The following RIMBP2 variants were observed in gnomAD, a reference collection of about 807,000 sequenced individuals.
The protein encoded by RIMBP2 is RIMS-binding protein 2.
RIMBP2 carries 48 observed loss-of-function variants against 118.6 expected under a neutral mutation model. That is an observed-to-expected ratio of 0.40 (90% CI 0.32 to 0.51). RIMBP2 has a LOEUF of 0.51. Ranked by LOEUF, RIMBP2 falls within the 20% of genes least tolerant of loss-of-function variation. The pLI is 0.41. For synonymous variants in RIMBP2, 762 were observed against 742.9 expected, an observed-to-expected ratio of 1.03 and a Z score of -0.42; for missense variants, 1,551 against 1,768.3, an observed-to-expected ratio of 0.88 and a Z score of 2.20.
rs1451512772 is a variant in RIMBP2 at position 130,576,520 on chromosome 12, C to T, written c.-217+51802G>A. Among the ~76,000 whole-genome samples the T allele has an allele frequency of 6.6e-6, 1 of 152,182 alleles. No individual in the cohort carries two copies. Among genetic ancestry groups the T allele is most frequent in the Non-Finnish European group, 1.5e-5 (1 of 68,034 alleles). On this transcript the variant is annotated intron_variant, in intron 2 of 22. Transcript: ENST00000690449. The surrounding 1 kb of genome is among the most constrained non-coding windows in gnomAD (Gnocchi z 4.2). Reference sequence around the variant, plus strand: ...GAAGCAGATGGCCCCTGCATGTGCACTTGCTCATACCCAGAACCAAAGCAA... The same window carrying T: ...GAAGCAGATGGCCCCTGCATGTGCATTTGCTCATACCCAGAACCAAAGCAA...
intron 2 of RIMBP2, among the ~76,000 whole-genome samples, chr12:130,573,529 T>C (rs2057856460): frequency 6.6e-6 from 1 of 152,106 alleles, no homozygotes; most frequent in South Asian, 2.1e-4. Context: ...GTGAGCTGCA[T>C]AAATGTATTA....
intron 2 of RIMBP2, among the ~76,000 whole-genome samples, chr12:130,527,610 T>C (rs1422375002): frequency 6.6e-6 from 1 of 152,172 alleles, no homozygotes; most frequent in African/African-American, 2.4e-5. Flanking sequence ...AAGGCTTCTC[T>C]CAGCTTCTGC....
chr12:130,709,397 G>A (rs576915854), intron 1 of RIMBP2, among the ~76,000 whole-genome samples: 6 of 152,360 alleles, frequency 3.9e-5, no homozygotes, highest in Admixed American at 3.9e-4. Context: ...AGCTGGGGCT[G>A]GGGCAGGTCT....
chr12:130,574,960 C>T (rs1272443006), intron 2 of RIMBP2, among the ~76,000 whole-genome samples: 2 of 139,142 alleles, frequency 1.4e-5, no homozygotes, highest in African/African-American at 2.8e-5. Context: ...CAGAATCACA[C>T]CCCCCACCGC....
chr12:130,519,631 G>T (rs1438669388), intron 2 of RIMBP2, among the ~76,000 whole-genome samples: 2 of 152,212 alleles, frequency 1.3e-5, no homozygotes, highest in African/African-American at 4.8e-5. Flanking sequence ...AAGGGGATGG[G>T]ATGGGTGTAC....
chr12:130,645,976 A>G (rs1346407036), intron 1 of RIMBP2, among the ~76,000 whole-genome samples: 1 of 152,108 alleles, frequency 6.6e-6, no homozygotes, highest in Non-Finnish European at 1.5e-5. Context: ...AAGGAAAGAA[A>G]AAACCCAGGG....
chr12:130,474,509 T>G (rs977273817), intron 5 of RIMBP2, among the ~76,000 whole-genome samples: 1 of 152,046 alleles, frequency 6.6e-6, no homozygotes. Flanking sequence ...CAGGTGGAGG[T>G]GGGCAGTCGG....
At chr12:130,625,423 C>T (rs2061563082) in intron 2 of RIMBP2, among the ~76,000 whole-genome samples, 1 of 152,216 alleles carries the variant, frequency 6.6e-6, no homozygotes, top group Non-Finnish European at 1.5e-5. Flanking sequence ...TTAGCAGCCA[C>T]TGAGGTGTGC....
At chr12:130,570,343 T>C (rs908897910) in intron 2 of RIMBP2, among the ~76,000 whole-genome samples, 1 of 151,986 alleles carries the variant, frequency 6.6e-6, no homozygotes, top group African/African-American at 2.4e-5. Context: ...GGAGGATAGA[T>C]TGAGCCCAGG....
intron 1 of RIMBP2, among the ~76,000 whole-genome samples, chr12:130,680,334 C>T (rs921980903): frequency 6.6e-6 from 1 of 152,178 alleles, no homozygotes; most frequent in Non-Finnish European, 1.5e-5. Context: ...TGAGAAAGCT[C>T]CTGTGTGCCA....
intron 1 of RIMBP2, among the ~76,000 whole-genome samples, chr12:130,693,845 G>A (rs538480950): frequency 3.6e-4 from 55 of 152,196 alleles, no homozygotes; most frequent in South Asian, 2.1e-3. Context: ...GTCCATTACC[G>A]CTCCCTTGCT....
chr12:130,489,880 C>T (rs2048459970), intron 4 of RIMBP2, among the ~76,000 whole-genome samples: 1 of 152,142 alleles, frequency 6.6e-6, no homozygotes, highest in African/African-American at 2.4e-5. Context: ...GAATTAAGCA[C>T]TTTGGGAGGC....
At chr12:130,449,247 T>C (rs1048788854) in intron 9 of RIMBP2, among the ~76,000 whole-genome samples, 1 of 152,242 alleles carries the variant, frequency 6.6e-6, no homozygotes. Flanking sequence ...CCCTGGCTGA[T>C]GAATTCCCAA....
At chr12:130,490,039 G>A (rs1192092548) in intron 4 of RIMBP2, among the ~76,000 whole-genome samples, 6 of 148,518 alleles carry the variant, frequency 4.0e-5, no homozygotes, top group East Asian at 4.0e-4. Flanking sequence ...CAAGAGAATC[G>A]CTTGAACCCG....
intron 1 of RIMBP2, among the ~76,000 whole-genome samples, chr12:130,643,864 C>A (rs1369424799): frequency 6.6e-6 from 1 of 152,102 alleles, no homozygotes; most frequent in Non-Finnish European, 1.5e-5. Context: ...AACTGGAGAG[C>A]AAGCAGTGGG....
intron 22 of RIMBP2, chr12:130,399,236 A>C (rs1426387068): frequency 1.2e-6 from 1 of 823,796 alleles, no homozygotes; most frequent in Non-Finnish European, 1.6e-6. Context: ...TGCAGTGATG[A>C]AATAAAATAA....
intron 2 of RIMBP2, among the ~76,000 whole-genome samples, chr12:130,611,179 G>A (rs928143486): frequency 7.2e-5 from 11 of 152,304 alleles, no homozygotes; most frequent in East Asian, 1.9e-4. Flanking sequence ...TCCAGGCATC[G>A]CTGCCAACAC....
chr12:130,535,352 A>AG (rs75689581), intron 2 of RIMBP2, among the ~76,000 whole-genome samples: 51,199 of 151,602 alleles, frequency 0.34, 9,571 homozygotes, highest in Non-Finnish European at 0.42. Flanking sequence ...ATTAAAAAAA[A>AG]AAATTGTTTT....
chr12:130,445,165 T>A lies in RIMBP2; in HGVS notation c.686A>T (p.Tyr229Phe). The stretch of plus-strand genomic sequence containing the variant: ...AGCCATGTTCCAACAGAGACCTTCA[T>A]AGAACCCATCCTCATCCATGTCTCC... Reference protein sequence around the residue: ...VYGDMDEDGFYEGELLDGQRG... With the variant: ...VYGDMDEDGFFEGELLDGQRG... The change falls in exon 10 of 23, where the codon TAT becomes TTT. Residue 229 changes from tyrosine to phenylalanine, a missense_variant. Physicochemically the swap from Tyr to Phe is conservative, Grantham distance 22. This residue lies in a region of RIMBP2 where 265 missense variants were observed against 349.5 expected (regional missense o/e 0.76). Transcript: ENST00000690449. 1 of 1,603,818 alleles carries A rather than the reference T, an allele frequency of 6.2e-7. No individual in the cohort carries two copies. The highest frequency in any genetic ancestry group is 8.5e-7 in the Non-Finnish European group (1 of 1,174,970).
Sources: allele counts gnomAD v4.1 joint callset (sites outside exome capture counted in the v4.1 genomes callset), GRCh38; gene constraint gnomAD v4.1.1; regional missense constraint gnomAD v4.1.1; non-coding constraint Gnocchi (gnomAD v3.1); transcripts MANE v1.5; gene names NCBI Gene and HGNC (gene_info 2026-07-23, HGNC 2026-07-21).